POLA1: variants seen among roughly 807,000 people sequenced by gnomAD.
The protein encoded by POLA1 is DNA polymerase alpha catalytic subunit.
Under a neutral mutation model 124.0 loss-of-function variants are expected in POLA1, and 15 were observed. That is an observed-to-expected ratio of 0.12 (90% CI 0.08 to 0.19). POLA1 has a LOEUF of 0.19. Ranked by LOEUF, POLA1 falls within the 10% of genes least tolerant of loss-of-function variation. The pLI, the probability that POLA1 is intolerant of heterozygous loss-of-function variation, is 1.00. For missense variants in POLA1, 886 were observed against 1,103.4 expected (o/e 0.80, Z 2.79); for synonymous variants, 408 against 389.4 (o/e 1.05, Z -0.56).
intron 26 of POLA1, among the ~76,000 whole-genome samples, chrX:24,802,238 G>T (rs1324126220): frequency 9.1e-6 from 1 of 110,388 alleles, no homozygotes; most frequent in Non-Finnish European, 1.9e-5. Context: ...ATCTAGACTG[G>T]TGTTTGACCA....
chrX:24,741,842 G>A (rs1368990352), intron 21 of POLA1, among the ~76,000 whole-genome samples, 160 bp from the exon 22 acceptor site: 1 of 108,585 alleles, frequency 9.2e-6, no homozygotes, highest in Admixed American at 9.8e-5. Flanking sequence ...TAAAGAAAAC[G>A]TTAGGAATAA....
intron 35 of POLA1, among the ~76,000 whole-genome samples, chrX:24,921,900 G>A (rs1688763020): frequency 9.0e-6 from 1 of 110,721 alleles, no homozygotes; most frequent in Non-Finnish European, 1.9e-5. Context: ...TTTTGTGTGT[G>A]TGTGTGTGAT....
chrX:24,729,112 G>A (rs1930730157), intron 15 of POLA1, among the ~76,000 whole-genome samples: 1 of 112,258 alleles, frequency 8.9e-6, no homozygotes, highest in South Asian at 3.7e-4. Context: ...GTCTGTGTCT[G>A]ATTAGCAGTT....
At chrX:24,799,249 G>A (rs1414587235) in intron 26 of POLA1, among the ~76,000 whole-genome samples, 3 of 112,045 alleles carry the variant, frequency 2.7e-5, no homozygotes, top group South Asian at 7.4e-4. Flanking sequence ...TCAAAATGGT[G>A]ACAGCACCAC....
At chrX:24,836,323 A>G (rs1327961839) in intron 32 of POLA1, among the ~76,000 whole-genome samples, 2 of 111,789 alleles carry the variant, frequency 1.8e-5, no homozygotes, top group Non-Finnish European at 3.8e-5. Flanking sequence ...TGCTGCTTTG[A>G]GAGTTGTTGT....
chrX:24,785,366 T>C (rs1302575239), intron 26 of POLA1, among the ~76,000 whole-genome samples: 1 of 111,996 alleles, frequency 8.9e-6, no homozygotes, highest in Non-Finnish European at 1.9e-5. Flanking sequence ...CTGAATATAA[T>C]GGAGAGGCAT....
At chrX:24,731,137 T>C (rs1930880355) in intron 15 of POLA1, among the ~76,000 whole-genome samples, 1 of 112,027 alleles carries the variant, frequency 8.9e-6, no homozygotes, top group Admixed American at 9.4e-5. Flanking sequence ...AAAGTATTCT[T>C]GCCCCAGAAT....
At chrX:24,958,553 A>G (rs1196925898) in intron 36 of POLA1, among the ~76,000 whole-genome samples, 1 of 112,696 alleles carries the variant, frequency 8.9e-6, no homozygotes, top group Non-Finnish European at 1.9e-5. Context: ...CGTCCTTTGT[A>G]TCATAGAATA....
intron 13 of POLA1, 64 bp from the exon 14 acceptor site, chrX:24,726,869 G>T: frequency 2.0e-5 from 17 of 866,371 alleles, no homozygotes; most frequent in Admixed American, 3.7e-5. Flanking sequence ...TTCAAATATA[G>T]ACTTTGGAAA....
intron 35 of POLA1, among the ~76,000 whole-genome samples, chrX:24,925,577 A>G (rs1215097882): frequency 1.8e-5 from 2 of 112,341 alleles, no homozygotes; most frequent in Non-Finnish European, 3.8e-5. Context: ...GTCAGATGAA[A>G]TCGATACCTC....
intron 34 of POLA1, among the ~76,000 whole-genome samples, chrX:24,858,638 G>A (rs1047030675): frequency 8.9e-6 from 1 of 112,236 alleles, no homozygotes; most frequent in African/African-American, 3.2e-5. Context: ...AACTTCTTCA[G>A]CATATAGGAA....
At chrX:24,818,567 T>G (rs2046031836) in intron 30 of POLA1, among the ~76,000 whole-genome samples, 2 of 111,664 alleles carry the variant, frequency 1.8e-5, no homozygotes, top group South Asian at 7.5e-4. Flanking sequence ...CTCAGATTTC[T>G]TGGTCTTAGG....
chrX:24,979,065 A>G (rs1423587463), intron 36 of POLA1, among the ~76,000 whole-genome samples: 4 of 112,534 alleles, frequency 3.6e-5, no homozygotes, highest in African/African-American at 9.7e-5. Flanking sequence ...AAACATGTCT[A>G]TTCCTCTTTT....
intron 35 of POLA1, among the ~76,000 whole-genome samples, chrX:24,920,605 A>T (rs897684189): frequency 1.8e-5 from 2 of 112,165 alleles, no homozygotes; most frequent in Admixed American, 1.9e-4. Context: ...GACACTGAAA[A>T]CCTGGCATCA....
At chrX:24,758,228 A>G (rs1369448220) in intron 26 of POLA1, among the ~76,000 whole-genome samples, 4 of 111,299 alleles carry the variant, frequency 3.6e-5, no homozygotes, top group Non-Finnish European at 5.6e-5. Flanking sequence ...ACTTATATGA[A>G]AAATATATGG....
intron 34 of POLA1, among the ~76,000 whole-genome samples, chrX:24,881,758 T>A (rs2047005067): frequency 9.0e-6 from 1 of 111,354 alleles, no homozygotes; most frequent in African/African-American, 3.3e-5. Context: ...ATCGGGAAAA[T>A]TTCACAAAAG....
intron 26 of POLA1, among the ~76,000 whole-genome samples, chrX:24,792,710 A>G (rs1336737782): frequency 2.7e-5 from 3 of 112,303 alleles, no homozygotes; most frequent in Admixed American, 9.5e-5. Flanking sequence ...GCAAGGCATG[A>G]TTTAGTGTGA....
intron 36 of POLA1, among the ~76,000 whole-genome samples, chrX:24,990,511 T>C (rs1173987034): frequency 8.9e-6 from 1 of 112,534 alleles, no homozygotes; most frequent in Admixed American, 9.4e-5. Context: ...ATTCATTCTC[T>C]GCAATTATGC....
intron 11 of POLA1, among the ~76,000 whole-genome samples, chrX:24,723,902 A>C (rs1276249157): frequency 8.9e-6 from 1 of 112,219 alleles, no homozygotes; most frequent in East Asian, 2.8e-4. Flanking sequence ...GCTGGTCTCA[A>C]ACTCCTGACC....
Sources: allele counts gnomAD v4.1 joint callset (sites outside exome capture counted in the v4.1 genomes callset), GRCh38; gene constraint gnomAD v4.1.1; transcripts MANE v1.5; gene names NCBI Gene and HGNC (gene_info 2026-07-23, HGNC 2026-07-21).